The following PCSK5 variants were observed in gnomAD, a reference collection of about 807,000 sequenced individuals.
PCSK5 encodes prohormone convertase 5.
In PCSK5, 129 loss-of-function variants were observed where a neutral mutation model predicts 233.2. The observed-to-expected ratio is 0.55, with a 90% CI of 0.48 to 0.64. PCSK5 has a LOEUF of 0.64. Ranked by LOEUF, PCSK5 falls within the 30% of genes least tolerant of loss-of-function variation. The pLI, the probability that PCSK5 is intolerant of heterozygous loss-of-function variation, is 0.00. For synonymous variants in PCSK5, 825 were observed against 879.2 expected (o/e 0.94, Z 1.09); for missense variants, 2,076 against 2,430.1 (o/e 0.85, Z 3.06).
intron 16 of PCSK5, 90 bp from the exon 17 acceptor site, chr9:76,184,583 A>G: frequency 1.3e-6 from 1 of 766,726 alleles, no homozygotes; most frequent in Non-Finnish European, 2.2e-6. Context: ...TAGGTACTGT[A>G]GCATACATTA....
intron 2 of PCSK5, among the ~76,000 whole-genome samples, chr9:75,976,328 TTC>T (rs1176797348): frequency 6.8e-6 from 1 of 146,928 alleles, no homozygotes; most frequent in Non-Finnish European, 1.5e-5. Flanking sequence ...ACACACCTTT[TTC>T]TCTCTTTTCC....
chr9:75,974,186 C>T (rs558605003), intron 2 of PCSK5, among the ~76,000 whole-genome samples: 11 of 152,252 alleles, frequency 7.2e-5, no homozygotes, highest in Admixed American at 3.9e-4. Flanking sequence ...CACTCCTCTG[C>T]GACACACATG....
chr9:76,311,415 T>C (rs547729520), intron 30 of PCSK5, among the ~76,000 whole-genome samples: 2 of 152,176 alleles, frequency 1.3e-5, no homozygotes, highest in East Asian at 1.9e-4. Flanking sequence ...ATGTTTTTTT[T>C]CCTCCATTAC....
At chr9:75,967,897 G>A (rs904984244) in intron 2 of PCSK5, among the ~76,000 whole-genome samples, 4 of 152,104 alleles carry the variant, frequency 2.6e-5, no homozygotes, top group African/African-American at 9.7e-5. Context: ...TGAATAGCTG[G>A]GATTACAGGC....
At chr9:76,051,949 A>G (rs965903478) in intron 5 of PCSK5, among the ~76,000 whole-genome samples, 35 of 152,214 alleles carry the variant, frequency 2.3e-4, no homozygotes, top group African/African-American at 8.2e-4. Context: ...GACCCAATGC[A>G]GAAGGAAAAT....
intron 20 of PCSK5, among the ~76,000 whole-genome samples, chr9:76,225,954 G>T (rs977520066): frequency 1.3e-5 from 2 of 152,216 alleles, no homozygotes; most frequent in Non-Finnish European, 2.9e-5. Flanking sequence ...CTGCATACCT[G>T]TTGGTATGCC....
chr9:76,009,929 T>A (rs1303437772), intron 3 of PCSK5, among the ~76,000 whole-genome samples: 1 of 152,112 alleles, frequency 6.6e-6, no homozygotes, highest in Non-Finnish European at 1.5e-5. Context: ...AGGGAATAAA[T>A]CATGAATGGT....
intron 20 of PCSK5, among the ~76,000 whole-genome samples, chr9:76,210,150 A>G (rs1825276415): frequency 1.3e-5 from 2 of 152,122 alleles, no homozygotes; most frequent in Non-Finnish European, 2.9e-5. Flanking sequence ...GTCAAAGAAA[A>G]CGCCAGTGGT....
chr9:75,915,233 T>A (rs1822933762), intron 1 of PCSK5, among the ~76,000 whole-genome samples: 1 of 152,204 alleles, frequency 6.6e-6, no homozygotes, highest in Non-Finnish European at 1.5e-5. Context: ...TGGCTTTCCT[T>A]GGCTGATCCT....
rs1037075964 is a variant in PCSK5 at position 76,359,062 on chromosome 9, T to C, written c.*140T>C. ...TTTAACCATGAGTCCAACCAGAATA[T>C]GTAAGAATGATGAAATACTTTGTTC... On this transcript the variant is annotated 3_prime_UTR_variant, in exon 38 of 38. Transcript: ENST00000674117. 6.2e-6 allele frequency: 4 copies of C among 640,090 alleles called. No individual in the cohort carries two copies. The African/African-American group carries it at 7.3e-5, about 12-fold the overall frequency. 39.7% of individuals were successfully genotyped at this position (640,090 alleles called of 1,614,324 possible).
intron 32 of PCSK5, 25 bp from the exon 33 acceptor site, chr9:76,327,984 G>A: frequency 6.7e-7 from 1 of 1,498,580 alleles, no homozygotes; most frequent in Non-Finnish European, 9.3e-7. Context: ...CGCTCACTCT[G>A]TCTGCTGCCC....
intron 35 of PCSK5, among the ~76,000 whole-genome samples, chr9:76,341,914 C>T (rs1829848148): frequency 6.6e-6 from 1 of 152,202 alleles, no homozygotes; most frequent in Non-Finnish European, 1.5e-5. Flanking sequence ...GATTTAAGCG[C>T]TAAGCCTGGA....
intron 7 of PCSK5, among the ~76,000 whole-genome samples, chr9:76,093,319 T>C (rs1831377348): frequency 6.6e-6 from 1 of 151,946 alleles, no homozygotes; most frequent in African/African-American, 2.4e-5. Context: ...GGTCTCTAAC[T>C]CCTGGACTCA....
chr9:76,125,503 T>C (rs1280152531), intron 9 of PCSK5, among the ~76,000 whole-genome samples: 13 of 152,256 alleles, frequency 8.5e-5, no homozygotes, highest in Non-Finnish European at 1.9e-4. Flanking sequence ...TTGATGTTCT[T>C]ATTTTGGAAA....
chr9:76,310,715 G>C lies in PCSK5; in HGVS notation c.3748G>C (p.Val1250Leu), dbSNP rs764311048. 6.2e-7 allele frequency: 1 copy of C among 1,611,468 alleles called. No individual in the cohort carries two copies. Among genetic ancestry groups the C allele is most frequent in the Admixed American group, 1.7e-5 (1 of 59,752 alleles). Residue 1250 changes from valine to leucine, a missense_variant, in exon 30 of 38, where the codon GTA becomes CTA. By Grantham distance (32) the Val-to-Leu change is conservative. Coordinates refer to ENST00000674117, the MANE Select transcript of PCSK5 (RefSeq NM_001372043.1). The stretch of plus-strand genomic sequence containing the variant: ...CTGTCCCCAAGGCACATGGCCTTCC[G>C]TAAGGAGTGGGAGCTGCGAGAACTG... ...SSCPQGTWPS[V>L]RSGSCENCTE... is the part of the protein sequence containing the mutation.
intron 4 of PCSK5, among the ~76,000 whole-genome samples, chr9:76,025,145 C>T (rs1031776011): frequency 6.6e-6 from 1 of 152,122 alleles, no homozygotes; most frequent in Non-Finnish European, 1.5e-5. Context: ...ACATTTCAGG[C>T]TCTATGTACT....
At chr9:76,276,632 T>C (rs1827695608) in intron 24 of PCSK5, among the ~76,000 whole-genome samples, 1 of 152,176 alleles carries the variant, frequency 6.6e-6, no homozygotes, top group African/African-American at 2.4e-5. Context: ...CTCTTTGTTA[T>C]CATTCGAATC....
At chr9:76,020,143 A>G (rs1414089488) in intron 3 of PCSK5, among the ~76,000 whole-genome samples, 1 of 152,172 alleles carries the variant, frequency 6.6e-6, no homozygotes, top group Non-Finnish European at 1.5e-5. Flanking sequence ...CCTTCTCACC[A>G]TGGTTGATGA....
intron 9 of PCSK5, among the ~76,000 whole-genome samples, chr9:76,117,592 C>T (rs1564037542): frequency 6.6e-6 from 1 of 152,086 alleles, no homozygotes; most frequent in Non-Finnish European, 1.5e-5. Context: ...AGCTTGCAAT[C>T]ACAACCAAGC....
Sources: allele counts gnomAD v4.1 joint callset (sites outside exome capture counted in the v4.1 genomes callset), GRCh38; gene constraint gnomAD v4.1.1; transcripts MANE v1.5; gene names NCBI Gene and HGNC (gene_info 2026-07-23, HGNC 2026-07-21).